Variants in ABLIM3 observed in about 807,000 individuals in gnomAD.
The protein encoded by ABLIM3 is actin binding LIM protein family member 3.
A neutral mutation model predicts 109.5 loss-of-function variants in ABLIM3; 61 were observed. That is an observed-to-expected ratio of 0.56 (90% CI 0.45 to 0.69). The LOEUF is 0.69. Ranked by LOEUF, ABLIM3 falls within the 30% of genes least tolerant of loss-of-function variation. The pLI is 0.00. For synonymous variants in ABLIM3, 300 were observed against 324.8 expected, an observed-to-expected ratio of 0.92 and a Z score of 0.82; for missense variants, 796 against 889.5, an observed-to-expected ratio of 0.89 and a Z score of 1.34.
chr5:149,236,465 TG>T (rs1209343768), intron 10 of ABLIM3, among the ~76,000 whole-genome samples: 1 of 152,082 alleles, frequency 6.6e-6, no homozygotes, highest in Admixed American at 6.6e-5. Flanking sequence ...AGACAGATCC[TG>T]GTTGATCATA....
chr5:149,186,814 A>G (rs1757003967), intron 3 of ABLIM3, among the ~76,000 whole-genome samples: 1 of 152,014 alleles, frequency 6.6e-6, no homozygotes, highest in Non-Finnish European at 1.5e-5. Flanking sequence ...TAATAACTAT[A>G]TTGATACATT....
At position 149,190,436 on chromosome 5, in the gene ABLIM3, T is replaced by C. The variant is rs150156123; in HGVS notation, c.151+6847T>C. ...GGCACACACCTGTAATCCCAGCACTTTGGGAGGCCGAGGCGGGTGGATCAC... is the reference window on the plus strand; with the variant it reads ...GGCACACACCTGTAATCCCAGCACTCTGGGAGGCCGAGGCGGGTGGATCAC... On this transcript the variant is annotated intron_variant, in intron 3 of 23. Transcript: ENST00000309868. Among the ~76,000 whole-genome samples the C allele has an allele frequency of 3.3e-3, 506 of 152,298 alleles. 7 individuals are homozygous for C. Among genetic ancestry groups the C allele is most frequent in the African/African-American group, 0.012 (480 of 41,566 alleles).
intron 15 of ABLIM3, chr5:149,243,424 T>C (rs534851765): frequency 6.6e-6 from 1 of 152,318 alleles, no homozygotes; most frequent in Admixed American, 6.5e-5. Context: ...CACCCACACT[T>C]GCTTAAGGGT....
chr5:149,220,110 C>T (rs980417506), intron 8 of ABLIM3: 2 of 152,144 alleles, frequency 1.3e-5, no homozygotes, highest in Admixed American at 1.3e-4. Context: ...TGGGAAGCTC[C>T]CATTTCAATC....
intron 18 of ABLIM3, among the ~76,000 whole-genome samples, chr5:149,248,689 C>CAAA (rs10659679): frequency 0.022 from 1,695 of 78,456 alleles, 93 homozygotes; most frequent in African/African-American, 0.07. Flanking sequence ...GACTCTCTCT[C>CAAA]AAAAAAAAAA....
rs1262185925 is a variant in ABLIM3, at chr5:149,208,384, CTCAATTTCTCTT to C, written c.575+1253_575+1264del. Among the ~76,000 whole-genome samples, 265 of 120,944 alleles carry C rather than the reference CTCAATTTCTCTT, an allele frequency of 2.2e-3. 1 individual carries two copies. Among genetic ancestry groups the C allele is most frequent in the African/African-American group, 8.5e-3 (204 of 24,082 alleles). The allele number at this position is 120,944 out of a possible 152,430, so 79.3% of individuals were successfully genotyped here. ...TCTCTCTCTCTCTCTCTCTCTCTCT[CTCAATTTCTCTT>C]TCTCTCTCTCTGTCTCTCTTTCTCT... On this transcript the variant is annotated intron_variant, in intron 6 of 23. Transcript: ENST00000309868.
At chr5:149,225,978 GTGTGTATATATATATATATA>G (rs1385274684) in intron 8 of ABLIM3, among the ~76,000 whole-genome samples, 102 of 25,084 alleles carry the variant, frequency 4.1e-3, no homozygotes, top group African/African-American at 0.023. Context: ...GTGTGTGTGT[GTGTGTATATATATATATATA>G]TATATATATA....
chr5:149,146,502 G>C (rs2127427562), intron 2 of ABLIM3, among the ~76,000 whole-genome samples: 1 of 152,292 alleles, frequency 6.6e-6, no homozygotes, highest in East Asian at 1.9e-4. Context: ...TATGGTGAAA[G>C]GTAAGGGTCC....
chr5:149,216,900 T>C, intron 7 of ABLIM3, 59 bp from the exon 8 acceptor site: 1 of 1,456,496 alleles, frequency 6.9e-7, no homozygotes, highest in Non-Finnish European at 9.6e-7. Flanking sequence ...AAACCCAATC[T>C]GCCCCACTAG....
chr5:149,150,046 A>G (rs1266657632), intron 2 of ABLIM3, among the ~76,000 whole-genome samples: 2 of 152,154 alleles, frequency 1.3e-5, no homozygotes, highest in South Asian at 2.1e-4. Flanking sequence ...TCTCCCTCAG[A>G]TCTCCTATGG....
intron 3 of ABLIM3, among the ~76,000 whole-genome samples, chr5:149,190,143 G>T (rs375537854): frequency 1.4e-4 from 22 of 152,162 alleles, no homozygotes; most frequent in African/African-American, 5.3e-4. Flanking sequence ...TGTATGAAAT[G>T]CTCAAAACAG....
intron 17 of ABLIM3, 40 bp downstream of exon 17, chr5:149,246,586 G>T (rs773793780): frequency 1.9e-6 from 3 of 1,591,928 alleles, no homozygotes; most frequent in Non-Finnish European, 2.6e-6. Context: ...TGCTTAGAGC[G>T]TATATCACTG....
Position 149,183,581 on chromosome 5 carries a change from C to A in ABLIM3, c.143C>A (p.Thr48Asn). ...HNNHFHIRCFTCQVCGCGLAQ... is the reference protein window; with the variant it reads ...HNNHFHIRCFNCQVCGCGLAQ... ...AACCACTTCCACATCAGATGCTTCACCTGTCAAGGTAGGAGGCTCAGCTCC... is the reference window on the plus strand; with the variant it reads ...AACCACTTCCACATCAGATGCTTCAACTGTCAAGGTAGGAGGCTCAGCTCC... Residue 48 changes from threonine to asparagine, a missense_variant, in exon 3 of 24, where the codon ACC (threonine) becomes AAC (asparagine). Transcript: ENST00000309868. 1 of 1,555,382 alleles carries A rather than the reference C, an allele frequency of 6.4e-7. No homozygotes were observed.
intron 6 of ABLIM3, among the ~76,000 whole-genome samples, chr5:149,208,132 G>A (rs930832119): frequency 6.6e-6 from 1 of 152,238 alleles, no homozygotes; most frequent in Non-Finnish European, 1.5e-5. Context: ...CAGGAAATGT[G>A]TGATCAGGAG....
Position 149,259,289 on chromosome 5 carries a change from A to G in ABLIM3, c.*885A>G. The G allele has an allele frequency of 3.7e-6, 5 of 1,367,512 alleles. No individual in the cohort carries two copies. The highest frequency in any genetic ancestry group is 1.7e-5 in the South Asian group (1 of 58,300). The allele number at this position is 1,367,512 out of a possible 1,614,324, so 84.7% of individuals were successfully genotyped here. ...CCTTCCCTCTTTCAAGGAGAAGCCCATGATTGCAGCTTGTATTCTTTAGCC... is the reference window on the plus strand; with the variant it reads ...CCTTCCCTCTTTCAAGGAGAAGCCCGTGATTGCAGCTTGTATTCTTTAGCC... On this transcript the variant is annotated 3_prime_UTR_variant, in exon 24 of 24. Transcript: ENST00000309868.
At chr5:149,197,564 C>T (rs138678988) in intron 3 of ABLIM3, among the ~76,000 whole-genome samples, 237 of 152,286 alleles carry the variant, frequency 1.6e-3, no homozygotes, top group Admixed American at 3.9e-3. Flanking sequence ...ACACCCCCCA[C>T]TCCTTATGGC....
chr5:149,191,822 C>G (rs1256355496), intron 3 of ABLIM3, among the ~76,000 whole-genome samples: 1 of 152,078 alleles, frequency 6.6e-6, no homozygotes, highest in Middle Eastern at 3.2e-3. Context: ...AGAAAAGGTG[C>G]TAGATAAAAT....
At chr5:149,183,694 T>G in intron 3 of ABLIM3, 105 bp downstream of exon 3, 1 of 1,306,104 alleles carries the variant, frequency 7.7e-7, no homozygotes, top group Non-Finnish European at 1.0e-6. Flanking sequence ...GGCTGGAATA[T>G]CTATAAAGAC....
In ABLIM3 at chr5:149,246,500, T is replaced by C; in HGVS notation, c.1505T>C (p.Phe502Ser). The change falls in exon 17 of 24, where the codon TTC becomes TCC. Residue 502 changes from phenylalanine (F) to serine (S), a missense_variant. Physicochemically the swap from Phe to Ser is radical, Grantham distance 155. Transcript: ENST00000309868. Reference protein sequence around the residue: ...GSPKVPRARRFSSGGEEDDFD... With the variant: ...GSPKVPRARRSSSGGEEDDFD... ...TTGACAGTGCCCCGAGCCAGAAGGTTCTCGTCTGGAGGAGAGGAGGATGAT... is the reference window on the plus strand; with the variant it reads ...TTGACAGTGCCCCGAGCCAGAAGGTCCTCGTCTGGAGGAGAGGAGGATGAT... The C allele has an allele frequency of 6.2e-7, 1 of 1,613,968 alleles. No homozygotes were observed. The highest frequency in any genetic ancestry group is 1.1e-5 in the South Asian group (1 of 91,050).
Sources: gnomAD v4.1 joint callset for allele counts (sites outside exome capture counted in the v4.1 genomes callset) on GRCh38, gnomAD v4.1.1 for gene constraint, MANE v1.5 for transcripts, NCBI Gene and HGNC (gene_info 2026-07-23, HGNC 2026-07-21) for gene names.